The following MYO5C variants were observed in gnomAD, a reference collection of about 807,000 sequenced individuals.
MYO5C encodes myosin VC.
A neutral mutation model predicts 235.7 loss-of-function variants in MYO5C; 194 were observed. The ratio of observed to expected loss-of-function variants is 0.82; its 90% CI spans 0.73 to 0.93. The LOEUF is 0.93. MYO5C is among the 40% of genes least tolerant of loss of function. The pLI, the probability that MYO5C is intolerant of heterozygous loss-of-function variation, is 0.00. For missense variants in MYO5C, 2,038 were observed against 2,127.2 expected, an observed-to-expected ratio of 0.96 and a Z score of 0.82; for synonymous variants, 707 against 754.8, an observed-to-expected ratio of 0.94 and a Z score of 1.04.
chr15:52,217,027 C>T (rs951745448), intron 32 of MYO5C, among the ~76,000 whole-genome samples: 2 of 152,206 alleles, frequency 1.3e-5, no homozygotes, highest in Non-Finnish European at 2.9e-5. Context: ...CTTCAGACTT[C>T]TGACCTCCAT....
rs59171694 is a variant in MYO5C at position 52,219,850 on chromosome 15, T to TG, written c.3722-29dup. 1,785 of 1,556,610 alleles carry TG rather than the reference T, an allele frequency of 1.1e-3. 21 individuals carry two copies. In the African/African-American group the frequency reaches 0.021, roughly 18 times the overall value. On this transcript the variant is annotated intron_variant, in intron 30 of 40. Coordinates refer to ENST00000261839, the MANE Select transcript of MYO5C (RefSeq NM_018728.4). ...ATAATGAGAAGAACTGTCAGTACTT[T>TG]GGGGGGGCACATATCACTGCATTCT...
intron 20 of MYO5C, among the ~76,000 whole-genome samples, chr15:52,240,934 C>G (rs889459440): frequency 1.3e-5 from 2 of 152,176 alleles, no homozygotes; most frequent in Admixed American, 6.5e-5. Flanking sequence ...CCCATCCACT[C>G]ACAGGATGGA....
In MYO5C at chr15:52,239,772, A is replaced by C. The variant is rs1399045180; in HGVS notation, c.2664T>G (p.Thr888=). The C allele has an allele frequency of 1.2e-6, 2 of 1,612,994 alleles. No individual in the cohort carries two copies. Among genetic ancestry groups the C allele is most frequent in the East Asian group, 4.5e-5 (2 of 44,838 alleles). The change falls in exon 21 of 41, where the codon ACT becomes ACG. Residue 888 remains threonine, a synonymous_variant. Coordinates refer to ENST00000261839, the MANE Select transcript of MYO5C (RefSeq NM_018728.4). ...TTTTCTGCAAACGCTGGACCCTGTA[A>C]GTAAGCTGAATATTAAGCACGAATC... ...IRRFVLNIQL[T]YRVQRLQKKL... is the part of the protein sequence containing the mutation.
intron 4 of MYO5C, chr15:52,278,065 GGAGTGCT>G (rs2037090140): frequency 2.3e-6 from 1 of 425,650 alleles, no homozygotes; most frequent in African/African-American, 2.0e-5. Context: ...CAACTTCACA[GGAGTGCT>G]GTAAGACTCA....
intron 1 of MYO5C, 88 bp downstream of exon 1, chr15:52,295,522 G>A (rs1455044423): frequency 1.4e-6 from 2 of 1,432,382 alleles, no homozygotes; most frequent in South Asian, 1.3e-5. Context: ...CGCAGGTGTG[G>A]CAGGTGTGGC....
chr15:52,277,784 C>G, intron 4 of MYO5C: 1 of 452,904 alleles, frequency 2.2e-6, no homozygotes, highest in South Asian at 1.6e-5. Context: ...TCTGAAGAAG[C>G]TCGGTCTAGC....
intron 1 of MYO5C, among the ~76,000 whole-genome samples, chr15:52,285,396 G>GCTCTCCCTCTCCCTCCTCTCCCTC (rs1184029726): frequency 1.4e-5 from 2 of 140,910 alleles, no homozygotes; most frequent in African/African-American, 5.3e-5. Context: ...ACAGGCTCTC[G>GCTCTCCCTCTCCCTCCTCTCCCTC]CTCTCCCTCT....
intron 25 of MYO5C, 94 bp downstream of exon 25, chr15:52,229,039 C>G: frequency 6.7e-7 from 1 of 1,490,180 alleles, no homozygotes; most frequent in African/African-American, 1.4e-5. Flanking sequence ...GTGGCCTTTA[C>G]ACAGATGCTT....
intron 33 of MYO5C, 86 bp from the exon 34 acceptor site, chr15:52,213,372 G>T: frequency 1.1e-6 from 1 of 904,900 alleles, no homozygotes; most frequent in Non-Finnish European, 1.8e-6. Flanking sequence ...ACCCCATTCT[G>T]GCTGGTTTGC....
intron 1 of MYO5C, among the ~76,000 whole-genome samples, chr15:52,288,087 T>C (rs2037314139): frequency 6.6e-6 from 1 of 152,174 alleles, no homozygotes; most frequent in South Asian, 2.1e-4. Flanking sequence ...CAAGGAAGCC[T>C]GGGCTCTGAG....
intron 35 of MYO5C, among the ~76,000 whole-genome samples, chr15:52,209,953 T>C (rs1458438319): frequency 6.6e-6 from 1 of 151,914 alleles, no homozygotes; most frequent in Non-Finnish European, 1.5e-5. Flanking sequence ...CTAGAGTTTA[T>C]TAATTAATTA....
chr15:52,239,433 C>G (rs532827841), intron 21 of MYO5C, among the ~76,000 whole-genome samples: 1 of 151,610 alleles, frequency 6.6e-6, no homozygotes, highest in South Asian at 2.1e-4. Context: ...TAGGAGGTAC[C>G]TTTGCCTCAA....
At chr15:52,207,962 G>A (rs970943285) in intron 36 of MYO5C, among the ~76,000 whole-genome samples, 3 of 152,172 alleles carry the variant, frequency 2.0e-5, no homozygotes, top group African/African-American at 7.2e-5. Context: ...GGATAAAAAT[G>A]TCTGTCAATA....
intron 11 of MYO5C, among the ~76,000 whole-genome samples, chr15:52,254,147 A>G (rs1467436022): frequency 3.9e-5 from 6 of 152,072 alleles, no homozygotes; most frequent in Admixed American, 6.5e-5. Context: ...AGAATGGTAC[A>G]GTCAAATCAC....
In MYO5C at chr15:52,224,884, T is replaced by C; in HGVS notation, c.3446+17A>G. 1 of 1,602,298 alleles carries C rather than the reference T, an allele frequency of 6.2e-7. No individual in the cohort carries two copies. Among genetic ancestry groups the C allele is most frequent in the African/African-American group, 1.3e-5 (1 of 74,474 alleles). On this transcript the variant is annotated intron_variant, in intron 28 of 40. Transcript: ENST00000261839. ...ATCTCTGAAAAATAAAGAAGATCCCTGAGGAGAATTTCTAACCGTGTTGCT... is the reference window on the plus strand; with the variant it reads ...ATCTCTGAAAAATAAAGAAGATCCCCGAGGAGAATTTCTAACCGTGTTGCT...
chr15:52,235,860 T>A (rs889917107), intron 22 of MYO5C, 97 bp from the exon 23 acceptor site: 1 of 746,204 alleles, frequency 1.3e-6, no homozygotes, highest in Non-Finnish European at 2.2e-6. Context: ...ATTCTTAAAT[T>A]AGTTTATTTT....
chr15:52,225,626 A>C, intron 25 of MYO5C, 94 bp from the exon 26 acceptor site: 1 of 832,074 alleles, frequency 1.2e-6, no homozygotes, highest in Non-Finnish European at 2.1e-6. Flanking sequence ...TTGCGTGTCT[A>C]TGCAAGACAT....
intron 19 of MYO5C, chr15:52,242,479 T>G (rs1348846545): frequency 2.4e-6 from 1 of 417,842 alleles, no homozygotes; most frequent in African/African-American, 2.0e-5. Context: ...GAGACGATGA[T>G]GAGACTGTGC....
intron 23 of MYO5C, among the ~76,000 whole-genome samples, chr15:52,235,203 C>T (rs2036050838): frequency 6.6e-6 from 1 of 152,212 alleles, no homozygotes; most frequent in South Asian, 2.1e-4. Flanking sequence ...GTAACTCCGA[C>T]AGATCAGAAT....
Sources: allele counts gnomAD v4.1 joint callset (sites outside exome capture counted in the v4.1 genomes callset), GRCh38; gene constraint gnomAD v4.1.1; transcripts MANE v1.5; gene names NCBI Gene and HGNC (gene_info 2026-07-23, HGNC 2026-07-21).